The following DSCC1 variants were observed in gnomAD, a reference collection of about 807,000 sequenced individuals.
The protein encoded by DSCC1 is sister chromatid cohesion protein DCC1.
DSCC1 carries 32 observed loss-of-function variants against 48.2 expected under a neutral mutation model. The observed-to-expected ratio is 0.66, with a 90% CI of 0.50 to 0.89. The LOEUF (loss-of-function observed/expected upper bound fraction) is 0.89. DSCC1 is among the 40% of genes least tolerant of loss of function. The pLI is 0.00. For synonymous variants in DSCC1, 150 were observed against 171.5 expected, an observed-to-expected ratio of 0.87 and a Z score of 0.98; for missense variants, 421 against 471.7, an observed-to-expected ratio of 0.89 and a Z score of 1.00.
chr8:119,845,991 T>C, intron 4 of DSCC1, among the ~76,000 whole-genome samples: 1 of 152,122 alleles, frequency 6.6e-6, no homozygotes. Flanking sequence ...AGGACCTGGG[T>C]TCTATGCCAT....
chr8:119,847,713 T>C (rs2131305416), intron 3 of DSCC1, among the ~76,000 whole-genome samples: 1 of 151,254 alleles, frequency 6.6e-6, no homozygotes, highest in East Asian at 1.9e-4. Context: ...TTGCCCAGGC[T>C]AGAGTGCAAT....
chr8:119,835,530 C>G (rs1256700380), intron 8 of DSCC1, among the ~76,000 whole-genome samples: 1 of 151,378 alleles, frequency 6.6e-6, no homozygotes, highest in Admixed American at 6.6e-5. Flanking sequence ...AAAAAAAAAG[C>G]AAAAAACAAA....
At chr8:119,845,426 A>G (rs1158720100) in intron 4 of DSCC1, among the ~76,000 whole-genome samples, 1 of 152,122 alleles carries the variant, frequency 6.6e-6, no homozygotes, top group African/African-American at 2.4e-5. Context: ...CCACCACCCC[A>G]GAGAAAGAAA....
intron 4 of DSCC1, among the ~76,000 whole-genome samples, chr8:119,846,164 A>C (rs1586580157): frequency 1.6e-5 from 2 of 128,058 alleles, no homozygotes; most frequent in South Asian, 5.5e-4. Context: ...CCCAGGCTGG[A>C]GGGCAGTGAC....
intron 1 of DSCC1, among the ~76,000 whole-genome samples, chr8:119,853,600 A>C (rs529710829): frequency 6.6e-6 from 1 of 152,264 alleles, no homozygotes; most frequent in African/African-American, 2.4e-5. Flanking sequence ...AAATTTATGC[A>C]TAGGCATCTT....
At chr8:119,846,496 T>G (rs1826858930) in intron 4 of DSCC1, among the ~76,000 whole-genome samples, 1 of 152,226 alleles carries the variant, frequency 6.6e-6, no homozygotes, top group South Asian at 2.1e-4. Flanking sequence ...TTAAAGTCAC[T>G]GGTAGCAGAT....
At position 119,834,669 on chromosome 8, in the gene DSCC1, T is replaced by A. The variant is rs1826645856; in HGVS notation, c.*224A>T. On this transcript the variant is annotated 3_prime_UTR_variant, in exon 9 of 9. Coordinates refer to ENST00000313655, the MANE Select transcript of DSCC1 (RefSeq NM_024094.3). ...CCTCAGACATAATATAGGAAAGAAT[T>A]CTTTTGTCCTTGTTTACACTGTGTA... 1 of 408,060 alleles carries A rather than the reference T, an allele frequency of 2.5e-6. No homozygotes were observed. Among genetic ancestry groups the A allele is most frequent in the Non-Finnish European group, 4.3e-6 (1 of 231,040 alleles). The allele number at this position is 408,060 out of a possible 1,614,324, so 25.3% of individuals were successfully genotyped here. A position where few individuals can be genotyped will look rare whatever the true frequency, so the allele number is the denominator to read the frequency against.
chr8:119,847,090 G>GA lies in DSCC1; in HGVS notation c.487-11dup. Reference sequence around the variant, plus strand: ...AATCTTCAGTTGTATACTGCAAAAAGAAAAAAATATTTTAAGGCCTTTGAA... The same window carrying GA: ...AATCTTCAGTTGTATACTGCAAAAAGAAAAAAAATATTTTAAGGCCTTTGAA... On this transcript the variant is annotated splice_polypyrimidine_tract_variant and intron_variant, in intron 3 of 8. Coordinates refer to ENST00000313655, the MANE Select transcript of DSCC1 (RefSeq NM_024094.3). 6.2e-7 allele frequency: 1 copy of GA among 1,606,628 alleles called. No individual in the cohort carries two copies. The highest frequency in any genetic ancestry group is 8.5e-7 in the Non-Finnish European group (1 of 1,177,686).
chr8:119,843,946 TTTG>T (rs1826812994), intron 4 of DSCC1, among the ~76,000 whole-genome samples, 199 bp from the exon 5 acceptor site: 1 of 152,036 alleles, frequency 6.6e-6, no homozygotes, highest in Non-Finnish European at 1.5e-5. Context: ...CTGGCTAATT[TTTG>T]TATTTTTAGT....
rs955013223 is a variant in DSCC1, at chr8:119,838,312, G to A, written c.1020C>T (p.Ser340=). The A allele has an allele frequency of 2.5e-6, 4 of 1,608,642 alleles. No individual in the cohort carries two copies. Among genetic ancestry groups the A allele is most frequent in the Middle Eastern group, 1.6e-4 (1 of 6,066 alleles). The stretch of plus-strand genomic sequence containing the variant: ...TCCACTTCTCCCTTAGAGAGAAAAG[G>A]CTATTAAAACGTTCCTGATTATCCT... ...LPEDNQERFN[S]LFSLREKWTE... Residue 340 remains serine, a synonymous_variant, in exon 8 of 9, where the codon AGC becomes AGT. Transcript: ENST00000313655.
intron 3 of DSCC1, 152 bp from the exon 4 acceptor site, chr8:119,847,232 C>CA (rs1487689319): frequency 1.4e-5 from 9 of 636,808 alleles, no homozygotes; most frequent in Non-Finnish European, 2.4e-5. Context: ...GATTTCTACA[C>CA]AAAATCAATG....
At chr8:119,850,848 A>T (rs947218104) in intron 2 of DSCC1, among the ~76,000 whole-genome samples, 7 of 152,244 alleles carry the variant, frequency 4.6e-5, no homozygotes, top group Non-Finnish European at 8.8e-5. Context: ...ACAACTAAAA[A>T]TGAATATACT....
At chr8:119,850,822 TCCAAA>T (rs1310859038) in intron 2 of DSCC1, among the ~76,000 whole-genome samples, 1 of 152,038 alleles carries the variant, frequency 6.6e-6, no homozygotes, top group Non-Finnish European at 1.5e-5. Flanking sequence ...GTGACAATTC[TCCAAA>T]CCAAGTGGAA....
chr8:119,836,603 G>A (rs1826688389), intron 8 of DSCC1, among the ~76,000 whole-genome samples: 1 of 151,940 alleles, frequency 6.6e-6, no homozygotes, highest in Non-Finnish European at 1.5e-5. Flanking sequence ...TAAGGATGAG[G>A]GAGAAGCAAC....
At chr8:119,852,676 C>T (rs1355464741) in intron 2 of DSCC1, 1 of 160,672 alleles carries the variant, frequency 6.2e-6, no homozygotes, top group African/African-American at 2.4e-5. Flanking sequence ...ATTTCTCCAC[C>T]TCATAAATAT....
chr8:119,841,640 G>C (rs1246614275), intron 7 of DSCC1, among the ~76,000 whole-genome samples, 154 bp downstream of exon 7: 2 of 151,902 alleles, frequency 1.3e-5, no homozygotes, highest in Non-Finnish European at 2.9e-5. Flanking sequence ...TACTTTATTG[G>C]GTTTTAAGGA....
chr8:119,851,680 G>T (rs914932877), intron 2 of DSCC1, among the ~76,000 whole-genome samples: 1 of 152,090 alleles, frequency 6.6e-6, no homozygotes, highest in Admixed American at 6.6e-5. Context: ...CCTACTTGGG[G>T]ACTGTGCTTT....
chr8:119,838,360 CA>C lies in DSCC1; in HGVS notation c.971del (p.Leu324CysfsTer2). 6.2e-7 allele frequency: 1 copy of C among 1,608,716 alleles called. No individual in the cohort carries two copies. Among genetic ancestry groups the C allele is most frequent in the Non-Finnish European group, 8.5e-7 (1 of 1,178,034 alleles). Reference protein sequence around the residue: ...DRHSRPEIIFLLKVDDLPEDN... With the variant: ...DRHSRPEIIFXLKVDDLPEDN... The stretch of plus-strand genomic sequence containing the variant: ...CCTCAGGTAAATCATCTACTTTCAG[CA>C]AAAATATGATTTCTGGTCTCGAGTG... On this transcript the variant is annotated frameshift_variant, in exon 8 of 9. Transcript: ENST00000313655. LOFTEE classifies it high-confidence loss of function.
chr8:119,846,205 C>A (rs556293438), intron 4 of DSCC1, among the ~76,000 whole-genome samples: 10 of 149,590 alleles, frequency 6.7e-5, no homozygotes, highest in African/African-American at 2.5e-4. Context: ...CCTCCGCCTT[C>A]CAGTTTCAAG....
Sources: allele counts gnomAD v4.1 joint callset (sites outside exome capture counted in the v4.1 genomes callset), GRCh38; gene constraint gnomAD v4.1.1; transcripts MANE v1.5; gene names NCBI Gene and HGNC (gene_info 2026-07-23, HGNC 2026-07-21).